THEMIS: variants seen among roughly 807,000 people sequenced by gnomAD.
The protein encoded by THEMIS is thymocyte selection associated, also known as protein THEMIS.
A neutral mutation model predicts 52.6 loss-of-function variants in THEMIS; 37 were observed. The ratio of observed to expected loss-of-function variants is 0.70; its 90% CI spans 0.54 to 0.93. The LOEUF is 0.93. Ranked by LOEUF, THEMIS falls within the 40% of genes least tolerant of loss-of-function variation. The pLI, the probability that THEMIS is intolerant of heterozygous loss-of-function variation, is 0.00. For synonymous variants in THEMIS, 292 were observed against 272.7 expected, an observed-to-expected ratio of 1.07 and a Z score of -0.70; for missense variants, 808 against 763.1, an observed-to-expected ratio of 1.06 and a Z score of -0.69.
intron 4 of THEMIS, among the ~76,000 whole-genome samples, chr6:127,723,129 A>G (rs2114495279): frequency 6.6e-6 from 1 of 152,114 alleles, no homozygotes; most frequent in Admixed American, 6.6e-5. Context: ...AGTTTCTGCC[A>G]AGGCTATTTG....
At chr6:127,729,099 A>G (rs1774654032) in intron 4 of THEMIS, among the ~76,000 whole-genome samples, 1 of 141,198 alleles carries the variant, frequency 7.1e-6, no homozygotes, top group South Asian at 2.2e-4. Flanking sequence ...GCTATCAGAT[A>G]TCAGATCCTC....
At chr6:127,819,035 G>A (rs948879492) in intron 3 of THEMIS, among the ~76,000 whole-genome samples, 5 of 135,508 alleles carry the variant, frequency 3.7e-5, no homozygotes, top group Non-Finnish European at 6.2e-5. Flanking sequence ...CAGGAGAATT[G>A]CCTGAACCCG....
intron 4 of THEMIS, among the ~76,000 whole-genome samples, chr6:127,798,637 T>G (rs1459864810): frequency 6.6e-6 from 1 of 152,140 alleles, no homozygotes; most frequent in African/African-American, 2.4e-5. Context: ...ATTTAGTTAC[T>G]TAAATGTTAG....
In THEMIS at chr6:127,805,481, G is replaced by A. The variant is rs184478772; in HGVS notation, c.1758+7402C>T. Among the ~76,000 whole-genome samples the A allele has an allele frequency of 1.0e-3, 153 of 151,818 alleles. No individual in the cohort carries two copies. In the Middle Eastern group the frequency reaches 0.01, roughly 10 times the overall value. ...TTTTTAAAGTATTTATGGGCCCTCC[G>A]GTCTCTTAAATTTAAAGTTCATTTT... On this transcript the variant is annotated intron_variant, in intron 4 of 5. Transcript: ENST00000368248.
intron 4 of THEMIS, among the ~76,000 whole-genome samples, chr6:127,721,003 T>C (rs558185780): frequency 9.9e-5 from 15 of 152,112 alleles, no homozygotes; most frequent in African/African-American, 3.6e-4. Context: ...CCTATCAATG[T>C]GGCTTCTTCT....
chr6:127,719,182 T>C (rs768409592), intron 5 of THEMIS, among the ~76,000 whole-genome samples: 21 of 151,918 alleles, frequency 1.4e-4, no homozygotes, highest in Non-Finnish European at 2.4e-4. Flanking sequence ...GGTAGCTTAA[T>C]TGAATGCTAT....
At chr6:127,763,266 T>A (rs1017336333) in intron 4 of THEMIS, among the ~76,000 whole-genome samples, 21 of 152,046 alleles carry the variant, frequency 1.4e-4, no homozygotes, top group African/African-American at 5.1e-4. Flanking sequence ...ATAGTCTTGA[T>A]CCTCACTATG....
intron 4 of THEMIS, among the ~76,000 whole-genome samples, chr6:127,753,329 A>G (rs1775712324): frequency 2.0e-5 from 3 of 152,060 alleles, no homozygotes; most frequent in African/African-American, 7.2e-5. Flanking sequence ...TACAAAATCA[A>G]TATACAAAAA....
At chr6:127,757,605 C>T (rs1335158890) in intron 4 of THEMIS, among the ~76,000 whole-genome samples, 3 of 152,098 alleles carry the variant, frequency 2.0e-5, no homozygotes, top group East Asian at 3.9e-4. Context: ...GCCTCAGCCT[C>T]CCGATTAGCT....
chr6:127,791,515 G>A (rs968920697), intron 4 of THEMIS, among the ~76,000 whole-genome samples: 1 of 152,150 alleles, frequency 6.6e-6, no homozygotes, highest in African/African-American at 2.4e-5. Flanking sequence ...GTCATGGGAG[G>A]CCCCAGAGCA....
At chr6:127,915,144 CT>C (rs1434873507) in intron 1 of THEMIS, among the ~76,000 whole-genome samples, 1 of 151,966 alleles carries the variant, frequency 6.6e-6, no homozygotes, top group Non-Finnish European at 1.5e-5. Context: ...ACTTTTGAAG[CT>C]TTTACTGGGG....
At chr6:127,810,523 A>T (rs1777868269) in intron 4 of THEMIS, among the ~76,000 whole-genome samples, 1 of 152,134 alleles carries the variant, frequency 6.6e-6, no homozygotes. Context: ...TTGTGACAAC[A>T]CAACATTCCT....
chr6:127,872,627 G>A (rs977196557), intron 1 of THEMIS, among the ~76,000 whole-genome samples: 33 of 152,096 alleles, frequency 2.2e-4, no homozygotes, highest in African/African-American at 7.7e-4. Flanking sequence ...AATTGGTAAG[G>A]ATAATCTATA....
At position 127,815,326 on chromosome 6, in the gene THEMIS, C is replaced by T. The variant is rs1326012967; in HGVS notation, c.710-1395G>A. The stretch of plus-strand genomic sequence containing the variant: ...CCGTCATTTTTTTCTTCCTTCCATG[C>T]TTTTGAAAATGAACAATTTGGAATA... On this transcript the variant is annotated intron_variant, in intron 3 of 5. Coordinates refer to ENST00000368248, the MANE Select transcript of THEMIS (RefSeq NM_001010923.3). Among the ~76,000 whole-genome samples, 4 of 151,886 alleles carry T rather than the reference C, an allele frequency of 2.6e-5. No individual in the cohort carries two copies. The South Asian group carries it at 6.2e-4, about 24-fold the overall frequency.
chr6:127,905,307 C>T (rs181756121), upstream of THEMIS, among the ~76,000 whole-genome samples: 1 of 151,910 alleles, frequency 6.6e-6, no homozygotes, highest in African/African-American at 2.4e-5. Flanking sequence ...AGCTGACTTA[C>T]TAACAAAAAC....
chr6:127,737,697 AATCTT>A (rs1775055319), intron 4 of THEMIS, among the ~76,000 whole-genome samples: 1 of 152,208 alleles, frequency 6.6e-6, no homozygotes, highest in Non-Finnish European at 1.5e-5. Context: ...CAAGAATAAA[AATCTT>A]ATCACAATGA....
upstream of THEMIS, among the ~76,000 whole-genome samples, chr6:127,904,645 A>G (rs549607655): frequency 6.6e-6 from 1 of 152,208 alleles, no homozygotes; most frequent in East Asian, 1.9e-4. Flanking sequence ...ATGCCAGAAG[A>G]CAGGACAGAG....
intron 4 of THEMIS, among the ~76,000 whole-genome samples, chr6:127,787,817 A>AGAT: frequency 7.0e-6 from 1 of 142,398 alleles, no homozygotes; most frequent in African/African-American, 2.6e-5. Flanking sequence ...ATAGATAGAT[A>AGAT]GATAGATAGA....
At chr6:127,725,465 TGTGA>T (rs945477958) in intron 4 of THEMIS, among the ~76,000 whole-genome samples, 3 of 152,064 alleles carry the variant, frequency 2.0e-5, no homozygotes, top group Non-Finnish European at 2.9e-5. Context: ...TGTGTGTGTC[TGTGA>T]GTGTGTTCTC....
Sources: gnomAD v4.1 joint callset for allele counts (sites outside exome capture counted in the v4.1 genomes callset) on GRCh38, gnomAD v4.1.1 for gene constraint, MANE v1.5 for transcripts, NCBI Gene and HGNC (gene_info 2026-07-23, HGNC 2026-07-21) for gene names.